The following TIE1 variants were observed in gnomAD, a reference collection of about 807,000 sequenced individuals.
TIE1 encodes tyrosine-protein kinase receptor Tie-1.
TIE1 carries 89 observed loss-of-function variants against 130.5 expected under a neutral mutation model. That is an observed-to-expected ratio of 0.68 (90% CI 0.57 to 0.81). The LOEUF is 0.81. Ranked by LOEUF, TIE1 falls within the 40% of genes least tolerant of loss-of-function variation. The probability of loss-of-function intolerance (pLI) is 0.00; values close to 1 mark genes in which losing one functional copy is unlikely to be tolerated. For synonymous variants in TIE1, 568 were observed against 629.4 expected (o/e 0.90, Z 1.46); for missense variants, 1,392 against 1,559.8 (o/e 0.89, Z 1.81).
At position 43,311,820 on chromosome 1, in the gene TIE1, A is replaced by G. The variant is rs1328904214; in HGVS notation, c.1483A>G (p.Thr495Ala). Residue 495 changes from threonine (T) to alanine (A), a missense_variant, in exon 10 of 23, where the codon ACC (threonine) becomes GCC (alanine). Thr to Ala is a moderately conservative substitution (Grantham distance 58, BLOSUM62 0). This residue lies in a region of TIE1 where 551 missense variants were observed against 565.5 expected (regional missense o/e 0.97). Transcript: ENST00000372476. ...CCAGGACAGTACCATGGACTGGTCG[A>G]CCATTGTGGGTGAGTAGGGAGAGAG... ...RPQDSTMDWS[T>A]IVVDPSENVT... 1 of 1,613,248 alleles carries G rather than the reference A, an allele frequency of 6.2e-7. No homozygotes were observed. Among genetic ancestry groups the G allele is most frequent in the Non-Finnish European group, 8.5e-7 (1 of 1,179,526 alleles).
intron 9 of TIE1, among the ~76,000 whole-genome samples, chr1:43,310,749 C>T (rs995707809): frequency 1.3e-5 from 2 of 152,256 alleles, no homozygotes; most frequent in Non-Finnish European, 2.9e-5. Flanking sequence ...TAATCCCCTG[C>T]GTGAGCCAAA....
chr1:43,305,218 C>T lies in TIE1; in HGVS notation c.374-15C>T. On this transcript the variant is annotated splice_polypyrimidine_tract_variant and intron_variant, in intron 2 of 22. Transcript: ENST00000372476. ...CGGGGAAAACCAGGCCGCTGACCCA[C>T]CTTCCACCCCGCAGCCCACCTGCTT... The T allele has an allele frequency of 5.6e-6, 9 of 1,613,936 alleles. No individual in the cohort carries two copies. The highest frequency in any genetic ancestry group is 1.3e-5 in the African/African-American group (1 of 75,042).
Position 43,312,010 on chromosome 1 carries a change from C to A in TIE1, c.1509C>A (p.Asn503Lys). Reference sequence around the variant, plus strand: ...CACGCCCAGTGGACCCCAGTGAGAACGTGACGTTAATGAACCTGAGGCCAA... The same window carrying A: ...CACGCCCAGTGGACCCCAGTGAGAAAGTGACGTTAATGAACCTGAGGCCAA... ...WSTIVVDPSE[N>K]VTLMNLRPKT... is the part of the protein sequence containing the mutation. Residue 503 changes from asparagine (N) to lysine (K), a missense_variant, in exon 11 of 23, where the codon AAC becomes AAA. By Grantham distance (94) the Asn-to-Lys change is moderately conservative. This residue lies in a region of TIE1 where 551 missense variants were observed against 565.5 expected (regional missense o/e 0.97). Transcript: ENST00000372476. The surrounding 1 kb of genome is among the most constrained non-coding windows in gnomAD (Gnocchi z 5.6). 1 of 1,596,292 alleles carries A rather than the reference C, an allele frequency of 6.3e-7. No individual in the cohort carries two copies. Among genetic ancestry groups the A allele is most frequent in the Middle Eastern group, 1.7e-4 (1 of 5,986 alleles).
rs1301282635 is a variant in TIE1 at position 43,318,867 on chromosome 1, G to A, written c.2923-368G>A. 6.6e-6 allele frequency among the ~76,000 whole-genome samples: 1 copy of A among 152,106 alleles called. No homozygotes were observed. The highest frequency in any genetic ancestry group is 1.5e-5 in the Non-Finnish European group (1 of 68,022). On this transcript the variant is annotated intron_variant, in intron 17 of 22. Transcript: ENST00000372476. This position sits in a 1 kb window ranked among gnomAD's most constrained non-coding sequence, Gnocchi z 4.4. ...AGCAGAGGGGCAGGGGAAGGGGCCA[G>A]TGCAGAGGGAGGGGCTGGTGGAGAG... is the stretch of plus-strand genomic sequence containing the variant.
chr1:43,315,919 C>T lies in TIE1; in HGVS notation c.2410-1280C>T, dbSNP rs1470255708. ...AAAGAAAATATGAAAATTAGATGGG[C>T]GTGGAGGTGTGCACCTGTGGTCCCA... is the stretch of plus-strand genomic sequence containing the variant. On this transcript the variant is annotated intron_variant, in intron 14 of 22. Coordinates refer to ENST00000372476, the MANE Select transcript of TIE1 (RefSeq NM_005424.5). The surrounding 1 kb of genome is among the most constrained non-coding windows in gnomAD (Gnocchi z 4.4). Among the ~76,000 whole-genome samples the T allele has an allele frequency of 6.6e-6, 1 of 152,014 alleles. No individual in the cohort carries two copies.
At position 43,319,973 on chromosome 1, in the gene TIE1, C is replaced by T; in HGVS notation, c.3107+444C>T. 4.1e-6 allele frequency: 1 copy of T among 243,498 alleles called. No homozygotes were observed. The highest frequency in any genetic ancestry group is 8.2e-6 in the Non-Finnish European group (1 of 122,394). 15.1% of individuals were successfully genotyped at this position (243,498 alleles called of 1,614,324 possible). On this transcript the variant is annotated intron_variant, in intron 19 of 22. Transcript: ENST00000372476. The surrounding 1 kb of genome is among the most constrained non-coding windows in gnomAD (Gnocchi z 4.7). ...CAGACAGCCCTCTTGGCACACTCCT[C>T]CTGTCTCTCCAGGGATGTCCATCTT...
Position 43,318,123 on chromosome 1 carries a change from G to T in TIE1, c.2922+51G>T, listed in dbSNP as rs1646879597. ...GGCCAGAGGGGGAAGCCACTGGGCT[G>T]GTGTCAGTGGAAGAAGTCAGCCGGC... On this transcript the variant is annotated intron_variant, in intron 17 of 22. Transcript: ENST00000372476. This position sits in a 1 kb window ranked among gnomAD's most constrained non-coding sequence, Gnocchi z 4.4. 5 of 1,499,872 alleles carry T rather than the reference G, an allele frequency of 3.3e-6. No homozygotes were observed. Among genetic ancestry groups the T allele is most frequent in the Non-Finnish European group, 4.4e-6 (5 of 1,125,510 alleles). The allele number at this position is 1,499,872 out of a possible 1,614,324, so 92.9% of individuals were successfully genotyped here.
chr1:43,308,052 G>A (rs535977216), intron 7 of TIE1, 128 bp downstream of exon 7: 5 of 1,364,572 alleles, frequency 3.7e-6, no homozygotes, highest in Non-Finnish European at 4.9e-6. Context: ...AGGGAGCTTA[G>A]AGTCTGATGG....
Position 43,305,034 on chromosome 1 carries a change from C to A in TIE1, c.242C>A (p.Ala81Glu). ...RTPPGPPLRL[A>E]RNGSHQVTLR... ...CCGCCCGGGCCACCCCTGCGCCTGGCGCGCAACGGTTCGCACCAGGTCACG... is the reference window on the plus strand; with the variant it reads ...CCGCCCGGGCCACCCCTGCGCCTGGAGCGCAACGGTTCGCACCAGGTCACG... The change falls in exon 2 of 23, where the codon GCG becomes GAG. Residue 81 changes from alanine to glutamate, a missense_variant. This residue lies in a region of TIE1 where 415 missense variants were observed against 424.8 expected (regional missense o/e 0.98). Transcript: ENST00000372476. 6.3e-7 allele frequency: 1 copy of A among 1,587,690 alleles called. No individual in the cohort carries two copies. The highest frequency in any genetic ancestry group is 8.6e-7 in the Non-Finnish European group (1 of 1,164,822).
chr1:43,305,047 G>T lies in TIE1; in HGVS notation c.255G>T (p.Ser85=). Residue 85 remains serine (S), a synonymous_variant, in exon 2 of 23, where the codon TCG becomes TCT. Coordinates refer to ENST00000372476, the MANE Select transcript of TIE1 (RefSeq NM_005424.5). ...GPPLRLARNG[S]HQVTLRGFSK... is the part of the protein sequence containing the mutation. ...CCCTGCGCCTGGCGCGCAACGGTTC[G>T]CACCAGGTCACGCTTCGCGGCTTCT... The T allele has an allele frequency of 1.2e-6, 2 of 1,602,578 alleles. No homozygotes were observed. Among genetic ancestry groups the T allele is most frequent in the African/African-American group, 2.7e-5 (2 of 74,740 alleles).
chr1:43,314,010 G>C, intron 14 of TIE1, 42 bp downstream of exon 14: 2 of 1,602,704 alleles, frequency 1.2e-6, no homozygotes, highest in Non-Finnish European at 1.7e-6. Context: ...CTTGCAGCCC[G>C]TGTTTATGTT....
chr1:43,311,775 G>A lies in TIE1; in HGVS notation c.1438G>A (p.Val480Ile). ...SFSGDGPISTVRLHYRPQDST... is the reference protein window; with the variant it reads ...SFSGDGPISTIRLHYRPQDST... ...CTCTGGGGATGGACCCATCTCCACTGTCCGCCTGCACTACCGGCCCCAGGA... is the reference window on the plus strand; with the variant it reads ...CTCTGGGGATGGACCCATCTCCACTATCCGCCTGCACTACCGGCCCCAGGA... The change falls in exon 10 of 23, where the codon GTC becomes ATC. Residue 480 changes from valine (V) to isoleucine (I), a missense_variant. By Grantham distance (29) the Val-to-Ile change is conservative (BLOSUM62 3). This residue lies in a region of TIE1 where 551 missense variants were observed against 565.5 expected (regional missense o/e 0.97). Coordinates refer to ENST00000372476, the MANE Select transcript of TIE1 (RefSeq NM_005424.5). 1 of 1,614,130 alleles carries A rather than the reference G, an allele frequency of 6.2e-7. No individual in the cohort carries two copies. The highest frequency in any genetic ancestry group is 8.5e-7 in the Non-Finnish European group (1 of 1,180,002).
rs1423841448 is a variant in TIE1, at chr1:43,305,356, A to G, written c.484+13A>G. ...TGGAAGAGCAACGGTAAAGAGGGGC[A>G]TTTGAACTGGTGGGGAGGGTAGACC... On this transcript the variant is annotated intron_variant, in intron 3 of 22. Transcript: ENST00000372476. 1 of 1,536,240 alleles carries G rather than the reference A, an allele frequency of 6.5e-7. No individual in the cohort carries two copies. The highest frequency in any genetic ancestry group is 8.8e-7 in the Non-Finnish European group (1 of 1,136,250).
Position 43,317,306 on chromosome 1 carries a change from C to T in TIE1, c.2517C>T (p.Ile839=), listed in dbSNP as rs1470879019. Residue 839 remains isoleucine, a synonymous_variant, in exon 15 of 23, where the codon ATC becomes ATT. Coordinates refer to ENST00000372476, the MANE Select transcript of TIE1 (RefSeq NM_005424.5). The surrounding 1 kb of genome is among the most constrained non-coding windows in gnomAD (Gnocchi z 5.1). ...ACCCAGTGCTAGAGTGGGAGGACAT[C>T]ACCTTTGAGGACCTCATCGGGGAGG... ...LSYPVLEWED[I]TFEDLIGEGN... The T allele has an allele frequency of 6.2e-7, 1 of 1,614,184 alleles. No homozygotes were observed.
rs1646767510 is a variant in TIE1, at chr1:43,309,504, C to T, written c.1305C>T (p.Asp435=). ...GTGTGTCCACATCTGGCGGCCAAGA[C>T]AGCCGGCGCTTCAAGGTCAATGTGA... is the stretch of plus-strand genomic sequence containing the variant. ...ECRVSTSGGQ[D]SRRFKVNVKV... Residue 435 remains aspartate, a synonymous_variant, in exon 9 of 23, where the codon GAC becomes GAT. Coordinates refer to ENST00000372476, the MANE Select transcript of TIE1 (RefSeq NM_005424.5). The surrounding 1 kb of genome is among the most constrained non-coding windows in gnomAD (Gnocchi z 6.3). The T allele has an allele frequency of 5.0e-6, 8 of 1,597,968 alleles. No individual in the cohort carries two copies. Among genetic ancestry groups the T allele is most frequent in the Non-Finnish European group, 6.8e-6 (8 of 1,174,038 alleles).
chr1:43,311,579 C>T (rs2153911679), intron 9 of TIE1, 92 bp from the exon 10 acceptor site: 7 of 1,505,644 alleles, frequency 4.6e-6, no homozygotes, highest in Non-Finnish European at 5.3e-6. Context: ...CTTGGTGTCC[C>T]TCAAGCCCAG....
In TIE1 at chr1:43,316,995, A is replaced by G. The variant is rs186661934; in HGVS notation, c.2410-204A>G. On this transcript the variant is annotated intron_variant, in intron 14 of 22. Coordinates refer to ENST00000372476, the MANE Select transcript of TIE1 (RefSeq NM_005424.5). This position sits in a 1 kb window ranked among gnomAD's most constrained non-coding sequence, Gnocchi z 4.4. ...TGGACATCTGTCCACCCAGCAGCCT[A>G]CCTGTGGCTCTGTTACCTATGATTC... 1.9e-4 allele frequency among the ~76,000 whole-genome samples: 29 copies of G among 150,732 alleles called. 1 individual carries two copies. The East Asian group carries it at 5.1e-3, about 26-fold the overall frequency.
Position 43,309,500 on chromosome 1 carries a change from A to G in TIE1, c.1301A>G (p.Gln434Arg). Residue 434 changes from glutamine to arginine, a missense_variant, in exon 9 of 23, where the codon CAA becomes CGA. Around this residue, in one of 6 missense-constraint regions of TIE1, gnomAD observed 551 missense variants for 565.5 expected, o/e 0.97. Transcript: ENST00000372476. The surrounding 1 kb of genome is among the most constrained non-coding windows in gnomAD (Gnocchi z 6.3). ...TGCCGTGTGTCCACATCTGGCGGCC[A>G]AGACAGCCGGCGCTTCAAGGTCAAT... ...WECRVSTSGG[Q>R]DSRRFKVNVK... The G allele has an allele frequency of 6.2e-7, 1 of 1,601,088 alleles. No homozygotes were observed. Among genetic ancestry groups the G allele is most frequent in the Non-Finnish European group, 8.5e-7 (1 of 1,175,384 alleles).
rs939741244 is a variant in TIE1 at position 43,316,928 on chromosome 1, G to A, written c.2410-271G>A. On this transcript the variant is annotated intron_variant, in intron 14 of 22. Transcript: ENST00000372476. This position sits in a 1 kb window ranked among gnomAD's most constrained non-coding sequence, Gnocchi z 4.4. The stretch of plus-strand genomic sequence containing the variant: ...CCCTGGTTCTGCCTTCCAGAGTCCC[G>A]TACACTAGATCCCCTGGCTGCAGCC... 1.3e-5 allele frequency among the ~76,000 whole-genome samples: 2 copies of A among 151,994 alleles called. No homozygotes were observed. The highest frequency in any genetic ancestry group is 1.9e-4 in the East Asian group (1 of 5,190).
Sources: allele counts gnomAD v4.1 joint callset (sites outside exome capture counted in the v4.1 genomes callset), GRCh38; gene constraint gnomAD v4.1.1; regional missense constraint gnomAD v4.1.1; non-coding constraint Gnocchi (gnomAD v3.1); transcripts MANE v1.5; gene names NCBI Gene and HGNC (gene_info 2026-07-23, HGNC 2026-07-21).